The following PRDM5 variants were observed in gnomAD, a reference collection of about 807,000 sequenced individuals.
PRDM5 encodes the protein PR/SET domain 5, also known as PR domain zinc finger protein 5.
In PRDM5, 56 loss-of-function variants were observed where a neutral mutation model predicts 81.2. That is an observed-to-expected ratio of 0.69 (90% CI 0.56 to 0.86). The LOEUF is 0.86. Among genes scored for constraint, PRDM5 ranks in the 40% least tolerant of loss-of-function variants. The pLI is 0.00. For missense variants in PRDM5, 697 were observed against 770.1 expected (o/e 0.91, Z 1.12); for synonymous variants, 267 against 256.4 (o/e 1.04, Z -0.39).
intron 5 of PRDM5, 67 bp downstream of exon 5, chr4:120,818,286 G>C: frequency 6.5e-7 from 1 of 1,531,234 alleles, no homozygotes; most frequent in East Asian, 2.3e-5. Flanking sequence ...TAAAAACTAT[G>C]AGTTAAGCTG....
At chr4:120,811,296 T>C in intron 8 of PRDM5, 74 bp downstream of exon 8, 1 of 1,014,972 alleles carries the variant, frequency 9.9e-7, no homozygotes. Context: ...TTGGTAACTT[T>C]TATACTTACT....
At position 120,692,490 on chromosome 4, in the gene PRDM5, T is replaced by G. The variant is rs1734122987; in HGVS notation, c.*2621A>C. On this transcript the variant is annotated 3_prime_UTR_variant, in exon 16 of 16. Transcript: ENST00000264808. ...ATTATAATTTACCAATAAATGCCTC[T>G]ATATAGCCAACAACACACCATGAAA... 6.6e-6 allele frequency: 1 copy of G among 152,078 alleles called. No homozygotes were observed. The highest frequency in any genetic ancestry group is 2.4e-5 in the African/African-American group (1 of 41,428). 9.4% of individuals were successfully genotyped at this position (152,078 alleles called of 1,614,324 possible).
intron 7 of PRDM5, among the ~76,000 whole-genome samples, chr4:120,815,336 A>G (rs1336749888): frequency 6.6e-6 from 1 of 152,216 alleles, no homozygotes; most frequent in East Asian, 1.9e-4. Context: ...AAAAGGAAAG[A>G]AAGAAACCAG....
intron 12 of PRDM5, among the ~76,000 whole-genome samples, chr4:120,777,764 T>C (rs1748403565): frequency 6.6e-6 from 1 of 152,124 alleles, no homozygotes; most frequent in Admixed American, 6.6e-5. Context: ...CAAAAAGGAA[T>C]ATAAATCTGA....
At chr4:120,890,008 G>A (rs1290768704) in intron 2 of PRDM5, among the ~76,000 whole-genome samples, 7 of 152,158 alleles carry the variant, frequency 4.6e-5, no homozygotes, top group East Asian at 3.9e-4. Context: ...ATGAACATAC[G>A]TGTGCATGCA....
chr4:120,826,328 G>A (rs193272734), intron 3 of PRDM5, among the ~76,000 whole-genome samples: 107 of 152,228 alleles, frequency 7.0e-4, no homozygotes, highest in Non-Finnish European at 1.2e-3. Context: ...GCTCTGAGGC[G>A]CAGCTCACTT....
At chr4:120,867,393 AT>A (rs1378285492) in intron 2 of PRDM5, among the ~76,000 whole-genome samples, 7 of 152,116 alleles carry the variant, frequency 4.6e-5, no homozygotes, top group African/African-American at 1.7e-4. Flanking sequence ...ATGTTTCTAC[AT>A]TTCCCATTTC....
chr4:120,830,534 G>T (rs571963070), intron 3 of PRDM5, among the ~76,000 whole-genome samples: 1 of 151,812 alleles, frequency 6.6e-6, no homozygotes, highest in Non-Finnish European at 1.5e-5. Context: ...TCGTTGGAGC[G>T]GTCTTCTGAG....
At chr4:120,782,773 T>C (rs1038230672) in intron 11 of PRDM5, among the ~76,000 whole-genome samples, 3 of 152,118 alleles carry the variant, frequency 2.0e-5, no homozygotes, top group African/African-American at 7.2e-5. Context: ...ACTGTAAACA[T>C]TAATGTTAAT....
intron 11 of PRDM5, among the ~76,000 whole-genome samples, chr4:120,784,016 A>G (rs1266598949): frequency 2.0e-5 from 3 of 152,174 alleles, no homozygotes; most frequent in Non-Finnish European, 4.4e-5. Context: ...TCATGTGTAT[A>G]GAGGATTTTC....
At chr4:120,895,450 A>G (rs961480461) in intron 2 of PRDM5, 2 of 152,196 alleles carry the variant, frequency 1.3e-5, no homozygotes, top group Non-Finnish European at 2.9e-5. Context: ...AAGAATGCAA[A>G]ATTTCTAAAA....
At chr4:120,749,451 G>C (rs1283229168) in intron 14 of PRDM5, among the ~76,000 whole-genome samples, 1 of 152,154 alleles carries the variant, frequency 6.6e-6, no homozygotes, top group South Asian at 2.1e-4. Context: ...GAGCCCCCAG[G>C]TGGCACAGAC....
chr4:120,861,009 TC>T (rs1354002460), intron 2 of PRDM5, among the ~76,000 whole-genome samples: 6 of 152,300 alleles, frequency 3.9e-5, no homozygotes, highest in Non-Finnish European at 2.9e-5. Context: ...ATCAGTTATC[TC>T]TTTGTTGTTG....
intron 15 of PRDM5, among the ~76,000 whole-genome samples, chr4:120,705,798 G>A (rs1736021520): frequency 6.6e-6 from 1 of 152,180 alleles, no homozygotes; most frequent in Non-Finnish European, 1.5e-5. Flanking sequence ...AAAGACAGAA[G>A]GAGAGAGAGC....
rs1324829480 is a variant in PRDM5 at position 120,922,477 on chromosome 4, G to C, written c.93+39C>G. ...CGACTCCGGGAGGCACAGGGCGCGC[G>C]AGGTGCAGGGGCGCGCAGGCCGCCG... On this transcript the variant is annotated intron_variant, in intron 1 of 15. Transcript: ENST00000264808. The C allele has an allele frequency of 2.7e-6, 4 of 1,486,974 alleles. No homozygotes were observed. The African/African-American group carries it at 4.3e-5, about 16-fold the overall frequency. The allele number at this position is 1,486,974 out of a possible 1,614,324, so 92.1% of individuals were successfully genotyped here.
At chr4:120,738,796 A>T (rs781271445) in intron 14 of PRDM5, among the ~76,000 whole-genome samples, 53 of 152,398 alleles carry the variant, frequency 3.5e-4, no homozygotes, top group Non-Finnish European at 7.1e-4. Context: ...CTTATTCAGC[A>T]TTATGTAATA....
chr4:120,830,055 A>C (rs1466957355), intron 3 of PRDM5, among the ~76,000 whole-genome samples: 1 of 152,138 alleles, frequency 6.6e-6, no homozygotes, highest in Non-Finnish European at 1.5e-5. Context: ...CAACATACAA[A>C]GCTGACAAAC....
chr4:120,753,981 A>C (rs189897870), intron 14 of PRDM5, among the ~76,000 whole-genome samples: 2 of 152,318 alleles, frequency 1.3e-5, no homozygotes, highest in African/African-American at 4.8e-5. Flanking sequence ...GAAAAGGCAT[A>C]GATAACAGAA....
chr4:120,758,369 G>A (rs190850194), intron 13 of PRDM5, among the ~76,000 whole-genome samples: 46 of 152,122 alleles, frequency 3.0e-4, no homozygotes, highest in Admixed American at 2.8e-3. Context: ...TACCAAATTC[G>A]TATGTTTAAA....
Sources: allele counts gnomAD v4.1 joint callset (sites outside exome capture counted in the v4.1 genomes callset), GRCh38; gene constraint gnomAD v4.1.1; transcripts MANE v1.5; gene names NCBI Gene and HGNC (gene_info 2026-07-23, HGNC 2026-07-21).